GALNTL6: variants seen among roughly 807,000 people sequenced by gnomAD.
GALNTL6 encodes polypeptide N-acetylgalactosaminyltransferase like 6.
Under a neutral mutation model 73.7 loss-of-function variants are expected in GALNTL6, and 46 were observed. The observed-to-expected ratio is 0.62, with a 90% CI of 0.49 to 0.80. GALNTL6 has a LOEUF of 0.80. GALNTL6 is among the 30% of genes least tolerant of loss of function. The pLI is 0.00. For missense variants in GALNTL6, 604 were observed against 755.0 expected, an observed-to-expected ratio of 0.80 and a Z score of 2.34; for synonymous variants, 259 against 263.7, an observed-to-expected ratio of 0.98 and a Z score of 0.17.
At chr4:171,892,464 A>T (rs543661789) in intron 2 of GALNTL6, among the ~76,000 whole-genome samples, 3 of 152,352 alleles carry the variant, frequency 2.0e-5, no homozygotes, top group African/African-American at 7.2e-5. Flanking sequence ...ACAAATGCCA[A>T]AATTATTCTA....
intron 3 of GALNTL6, among the ~76,000 whole-genome samples, chr4:172,270,644 C>T (rs1358161449): frequency 6.6e-6 from 1 of 152,072 alleles, no homozygotes; most frequent in East Asian, 1.9e-4. Flanking sequence ...GGTTCAATTA[C>T]TCATATGGTG....
intron 5 of GALNTL6, among the ~76,000 whole-genome samples, chr4:172,776,800 C>T (rs984770907): frequency 2.6e-5 from 4 of 152,190 alleles, no homozygotes; most frequent in African/African-American, 9.7e-5. Context: ...AAAATAAGTG[C>T]TCTAATATGT....
At chr4:172,420,505 T>C (rs1483636310) in intron 5 of GALNTL6, among the ~76,000 whole-genome samples, 1 of 152,110 alleles carries the variant, frequency 6.6e-6, no homozygotes, top group African/African-American at 2.4e-5. Context: ...TGGAGAGTAA[T>C]AGGCAAAGGA....
chr4:172,582,258 G>A (rs892679540), intron 5 of GALNTL6, among the ~76,000 whole-genome samples: 4 of 152,166 alleles, frequency 2.6e-5, no homozygotes, highest in African/African-American at 9.7e-5. Flanking sequence ...CTTTCGAATC[G>A]TAGCTATGCT....
intron 12 of GALNTL6, among the ~76,000 whole-genome samples, chr4:173,023,979 G>A (rs962866693): frequency 6.6e-6 from 1 of 152,084 alleles, no homozygotes; most frequent in Non-Finnish European, 1.5e-5. Context: ...TATGTTAGTG[G>A]TTCCTAATGA....
At chr4:172,639,846 A>C (rs968522696) in intron 5 of GALNTL6, among the ~76,000 whole-genome samples, 1 of 152,070 alleles carries the variant, frequency 6.6e-6, no homozygotes, top group Non-Finnish European at 1.5e-5. Flanking sequence ...ATAAAAGCTT[A>C]TCCTTTTTCA....
rs35996530 is a variant in GALNTL6 at position 171,940,864 on chromosome 4, T to TAAATAAATAAATAAAA, written c.138+126147_138+126148insAATAAATAAATAAAAA. 3.0e-3 allele frequency among the ~76,000 whole-genome samples: 428 copies of TAAATAAATAAATAAAA among 142,284 alleles called. 2 individuals carry two copies. Among genetic ancestry groups the TAAATAAATAAATAAAA allele is most frequent in the Non-Finnish European group, 4.0e-3 (262 of 65,910 alleles). The allele number at this position is 142,284 out of a possible 152,430, so 93.3% of individuals were successfully genotyped here. A position where few individuals can be genotyped will look rare whatever the true frequency, so the allele number is the denominator to read the frequency against. On this transcript the variant is annotated intron_variant, in intron 2 of 12. Coordinates refer to ENST00000506823, the MANE Select transcript of GALNTL6 (RefSeq NM_001034845.3). ...ATAAATAAATAAATAAATAAATAAA[T>TAAATAAATAAATAAAA]ATATAAGTCATGTATGCATTATAAG...
chr4:172,518,055 G>A (rs1159442338), intron 5 of GALNTL6, among the ~76,000 whole-genome samples: 1 of 151,746 alleles, frequency 6.6e-6, no homozygotes, highest in Non-Finnish European at 1.5e-5. Flanking sequence ...GCCCCAGTAT[G>A]CTCACAAAGG....
chr4:172,274,975 C>A (rs1738778105), intron 3 of GALNTL6, among the ~76,000 whole-genome samples: 1 of 152,056 alleles, frequency 6.6e-6, no homozygotes, highest in Non-Finnish European at 1.5e-5. Context: ...ACCTGGGTGT[C>A]CTGTGGTATT....
chr4:172,969,770 A>G (rs564397723), intron 10 of GALNTL6, among the ~76,000 whole-genome samples: 3 of 152,326 alleles, frequency 2.0e-5, no homozygotes, highest in Non-Finnish European at 2.9e-5. Context: ...GTAATCGTCA[A>G]TGCAACAATG....
intron 2 of GALNTL6, among the ~76,000 whole-genome samples, chr4:171,962,251 T>C (rs1739241199): frequency 6.6e-6 from 1 of 152,162 alleles, no homozygotes. Flanking sequence ...TTGAACAAGA[T>C]CAACTCCATC....
chr4:172,184,677 G>A (rs1377898812), intron 2 of GALNTL6, among the ~76,000 whole-genome samples: 1 of 152,068 alleles, frequency 6.6e-6, no homozygotes, highest in Non-Finnish European at 1.5e-5. Flanking sequence ...CATGAAATTA[G>A]TCAACATTGG....
chr4:171,870,989 A>G lies in GALNTL6; in HGVS notation c.138+56271A>G, dbSNP rs140647167. On this transcript the variant is annotated intron_variant, in intron 2 of 12. Transcript: ENST00000506823. The stretch of plus-strand genomic sequence containing the variant: ...GTTATAGAAGCTCTAATAAATGAGT[A>G]CATCCATTTCTTCCCTAGTAATTTA... 3.5e-3 allele frequency among the ~76,000 whole-genome samples: 527 copies of G among 152,322 alleles called. 7 individuals carry two copies. Among genetic ancestry groups the G allele is most frequent in the African/African-American group, 0.012 (495 of 41,582 alleles).
At chr4:172,282,038 A>G (rs192229273) in intron 3 of GALNTL6, among the ~76,000 whole-genome samples, 58 of 152,340 alleles carry the variant, frequency 3.8e-4, no homozygotes, top group Admixed American at 3.8e-3. Flanking sequence ...CTGGCTACAA[A>G]GAAAAATATT....
At chr4:172,009,442 G>A (rs1225934080) in intron 2 of GALNTL6, among the ~76,000 whole-genome samples, 1 of 152,026 alleles carries the variant, frequency 6.6e-6, no homozygotes, top group Non-Finnish European at 1.5e-5. Flanking sequence ...CCTGTCCCTG[G>A]CATTTAACAT....
chr4:171,915,953 G>C (rs1025646109), intron 2 of GALNTL6, among the ~76,000 whole-genome samples: 1 of 151,994 alleles, frequency 6.6e-6, no homozygotes. Context: ...ATTGTAGGGA[G>C]AAATACATAT....
At chr4:172,622,663 G>A (rs1162676482) in intron 5 of GALNTL6, among the ~76,000 whole-genome samples, 1 of 152,116 alleles carries the variant, frequency 6.6e-6, no homozygotes, top group African/African-American at 2.4e-5. Context: ...AGGAATGCAT[G>A]AGAGGCTGAT....
At chr4:172,403,239 A>G (rs1419242087) in intron 5 of GALNTL6, among the ~76,000 whole-genome samples, 2 of 152,018 alleles carry the variant, frequency 1.3e-5, no homozygotes, top group Non-Finnish European at 2.9e-5. Flanking sequence ...TCAGAAAACT[A>G]TAGAATGGGA....
At chr4:171,937,846 T>A (rs1738399473) in intron 2 of GALNTL6, among the ~76,000 whole-genome samples, 1 of 152,164 alleles carries the variant, frequency 6.6e-6, no homozygotes, top group African/African-American at 2.4e-5. Context: ...TGAATAAACA[T>A]GGAAAAATAG....
Sources: allele counts gnomAD v4.1 joint callset (sites outside exome capture counted in the v4.1 genomes callset), GRCh38; gene constraint gnomAD v4.1.1; transcripts MANE v1.5; gene names NCBI Gene and HGNC (gene_info 2026-07-23, HGNC 2026-07-21).